UBE2W: variants seen among roughly 807,000 people sequenced by gnomAD.
UBE2W encodes the protein ubiquitin-conjugating enzyme E2 W.
UBE2W carries 18 observed loss-of-function variants against 27.2 expected under a neutral mutation model. That is an observed-to-expected ratio of 0.66 (90% CI 0.46 to 0.98). The LOEUF (loss-of-function observed/expected upper bound fraction) is 0.98. Among genes scored for constraint, UBE2W ranks in the 50% least tolerant of loss-of-function variants. The pLI, the probability that UBE2W is intolerant of heterozygous loss-of-function variation, is 0.00. For synonymous variants in UBE2W, 53 were observed against 57.2 expected (o/e 0.93, Z 0.33); for missense variants, 90 against 180.2 (o/e 0.50, Z 2.87).
At chr8:73,782,990 T>G (rs546624231), downstream of UBE2W, among the ~76,000 whole-genome samples, 17 of 152,290 alleles carry the variant, frequency 1.1e-4, no homozygotes, top group Non-Finnish European at 2.2e-4. Flanking sequence ...TATCATTGTT[T>G]TTATTTGTAT....
Position 73,787,351 on chromosome 8 carries a change from C to G in UBE2W, c.*6751G>C. 4 of 985,332 alleles carry G rather than the reference C, an allele frequency of 4.1e-6. No individual in the cohort carries two copies. The highest frequency in any genetic ancestry group is 4.8e-6 in the Non-Finnish European group (4 of 829,896). 61.0% of individuals were successfully genotyped at this position (985,332 alleles called of 1,614,324 possible). A position where few individuals can be genotyped will look rare whatever the true frequency, so the allele number is the denominator to read the frequency against. ...AATATAGGGAGGACATAAACAGAGT[C>G]ACTTATCCAGGGTAGCTTAAACTAA... On this transcript the variant is annotated 3_prime_UTR_variant, in exon 6 of 6. Coordinates refer to ENST00000602593, the MANE Select transcript of UBE2W (RefSeq NM_018299.6).
intron 1 of UBE2W, among the ~76,000 whole-genome samples, chr8:73,850,625 T>C (rs1012341989): frequency 3.3e-5 from 5 of 151,130 alleles, no homozygotes; most frequent in African/African-American, 9.7e-5. Flanking sequence ...AAATATATTG[T>C]TTAAAGTAAA....
intron 4 of UBE2W, among the ~76,000 whole-genome samples, chr8:73,807,453 C>G (rs373827437): frequency 1.3e-5 from 2 of 152,176 alleles, no homozygotes; most frequent in African/African-American, 4.8e-5. Context: ...AACTATCAGT[C>G]TAGTTGAGCC....
At chr8:73,867,669 C>A (rs1811836966) in intron 1 of UBE2W, among the ~76,000 whole-genome samples, 1 of 150,908 alleles carries the variant, frequency 6.6e-6, no homozygotes, top group East Asian at 1.9e-4. Flanking sequence ...CAAGATCATG[C>A]CACAGCCACT....
intron 5 of UBE2W, among the ~76,000 whole-genome samples, chr8:73,801,430 T>C (rs776615829): frequency 6.6e-6 from 1 of 152,222 alleles, no homozygotes; most frequent in Non-Finnish European, 1.5e-5. Context: ...ACTCATCTTC[T>C]AAAACACAAT....
At chr8:73,833,053 C>A (rs28689765) in intron 1 of UBE2W, among the ~76,000 whole-genome samples, 1 of 151,906 alleles carries the variant, frequency 6.6e-6, no homozygotes. Context: ...GGCGTGGTGG[C>A]GCGTGCCTGT....
At chr8:73,811,902 C>T (rs1809167809) in intron 3 of UBE2W, among the ~76,000 whole-genome samples, 2 of 151,818 alleles carry the variant, frequency 1.3e-5, no homozygotes, top group Admixed American at 6.6e-5. Context: ...ATAAGGTATG[C>T]TATAGTTTAA....
At chr8:73,785,499 G>A (rs1044488238), downstream of UBE2W, among the ~76,000 whole-genome samples, 1 of 152,170 alleles carries the variant, frequency 6.6e-6, no homozygotes, top group African/African-American at 2.4e-5. Flanking sequence ...TGGTTACACA[G>A]ATCCATTGCC....
chr8:73,856,539 A>AT (rs1811310310), intron 1 of UBE2W, among the ~76,000 whole-genome samples: 2 of 147,222 alleles, frequency 1.4e-5, no homozygotes, highest in Admixed American at 6.7e-5. Flanking sequence ...TAATTTTTGT[A>AT]TTTTTTGTAG....
At chr8:73,784,511 T>C (rs1312771886), downstream of UBE2W, among the ~76,000 whole-genome samples, 1 of 152,192 alleles carries the variant, frequency 6.6e-6, no homozygotes, top group Non-Finnish European at 1.5e-5. Flanking sequence ...CTGTTAATCA[T>C]GGTGTCTTAT....
chr8:73,817,097 G>A (rs1286251868), intron 3 of UBE2W, among the ~76,000 whole-genome samples: 14 of 150,886 alleles, frequency 9.3e-5, no homozygotes, highest in South Asian at 2.1e-4. Flanking sequence ...AGGCTGAGGC[G>A]GGCAGATCAC....
chr8:73,835,022 AAC>A (rs1428289230), intron 1 of UBE2W, among the ~76,000 whole-genome samples: 1 of 152,164 alleles, frequency 6.6e-6, no homozygotes, highest in Non-Finnish European at 1.5e-5. Context: ...TATTTTGGGA[AAC>A]ACTGCTGCAG....
At chr8:73,841,018 A>T (rs367663698) in intron 1 of UBE2W, among the ~76,000 whole-genome samples, 24 of 152,352 alleles carry the variant, frequency 1.6e-4, no homozygotes, top group African/African-American at 5.3e-4. Context: ...AAAAAACATT[A>T]AAAAATGTGG....
Position 73,786,705 on chromosome 8 carries a change from G to C in UBE2W, c.*7397C>G, listed in dbSNP as rs1486221003. On this transcript the variant is annotated 3_prime_UTR_variant, in exon 6 of 6. Transcript: ENST00000602593. ...TGTGGACAGCTGAAGAGCAGCCTAG[G>C]GACACCAAGGCCAGGTAGTGAAAGG... is the stretch of plus-strand genomic sequence containing the variant. The C allele has an allele frequency of 2.9e-5, 29 of 985,264 alleles. No individual in the cohort carries two copies. Among genetic ancestry groups the C allele is most frequent in the Non-Finnish European group, 3.5e-5 (29 of 829,952 alleles). The allele number at this position is 985,264 out of a possible 1,614,324, so 61.0% of individuals were successfully genotyped here. A position where few individuals can be genotyped will look rare whatever the true frequency, so the allele number is the denominator to read the frequency against.
chr8:73,876,066 G>C (rs7813311), intron 1 of UBE2W, among the ~76,000 whole-genome samples: 4 of 151,994 alleles, frequency 2.6e-5, no homozygotes, highest in African/African-American at 9.6e-5. Flanking sequence ...CAAAAAACAA[G>C]AACAAAACAC....
At chr8:73,878,417 G>A (rs1379382003) in intron 1 of UBE2W, among the ~76,000 whole-genome samples, 1 of 152,190 alleles carries the variant, frequency 6.6e-6, no homozygotes, top group East Asian at 1.9e-4. Context: ...ACAACCGCGG[G>A]CGCAGCTGTT....
intron 1 of UBE2W, chr8:73,833,808 TAC>T (rs1180412171): frequency 6.6e-6 from 1 of 152,104 alleles, no homozygotes; most frequent in Non-Finnish European, 1.5e-5. Flanking sequence ...CAAGCTGGAG[TAC>T]ACAGGTGCAA....
chr8:73,785,543 C>T (rs765009090), downstream of UBE2W, among the ~76,000 whole-genome samples: 1 of 152,098 alleles, frequency 6.6e-6, no homozygotes, highest in Admixed American at 6.6e-5. Context: ...TTGAACCCAT[C>T]GCCCAGATAG....
Position 73,792,083 on chromosome 8 carries a change from A to G in UBE2W, c.*2019T>C. ...CTAACCCCCAGAAGAAGATCAAGTC[A>G]AACAGTAGTGTAGAGCAGTTACGCA... On this transcript the variant is annotated 3_prime_UTR_variant, in exon 6 of 6. Coordinates refer to ENST00000602593, the MANE Select transcript of UBE2W (RefSeq NM_018299.6). 1 of 985,226 alleles carries G rather than the reference A, an allele frequency of 1.0e-6. No individual in the cohort carries two copies. Among genetic ancestry groups the G allele is most frequent in the Non-Finnish European group, 1.2e-6 (1 of 829,808 alleles). 61.0% of individuals were successfully genotyped at this position (985,226 alleles called of 1,614,324 possible). A position where few individuals can be genotyped will look rare whatever the true frequency, so the allele number is the denominator to read the frequency against.
Sources: gnomAD v4.1 joint callset for allele counts (sites outside exome capture counted in the v4.1 genomes callset) on GRCh38, gnomAD v4.1.1 for gene constraint, MANE v1.5 for transcripts, NCBI Gene and HGNC (gene_info 2026-07-23, HGNC 2026-07-21) for gene names.